Variants in ACOT12 observed in about 807,000 individuals in gnomAD.
The protein encoded by ACOT12 is acyl-CoA thioesterase 12.
A neutral mutation model predicts 67.7 loss-of-function variants in ACOT12; 51 were observed. That is an observed-to-expected ratio of 0.75 (90% CI 0.60 to 0.95). The LOEUF (loss-of-function observed/expected upper bound fraction) is 0.95. Among genes scored for constraint, ACOT12 ranks in the 40% least tolerant of loss-of-function variants. The probability of loss-of-function intolerance (pLI) is 0.00; values close to 1 mark genes in which losing one functional copy is unlikely to be tolerated. For synonymous variants in ACOT12, 251 were observed against 244.6 expected (o/e 1.03, Z -0.24); for missense variants, 734 against 708.1 (o/e 1.04, Z -0.41).
At chr5:81,320,049 C>A in the ACOT12 span, among the ~76,000 whole-genome samples, 9 of 152,134 alleles carry the variant, frequency 5.9e-5, no homozygotes, top group Admixed American at 2.0e-4. Flanking sequence ...GAGAAATGGA[C>A]ATAAATTTTG....
chr5:81,324,160 C>T, the ACOT12 span, among the ~76,000 whole-genome samples: 3 of 151,930 alleles, frequency 2.0e-5, no homozygotes, highest in Admixed American at 6.6e-5. Flanking sequence ...AGGATGGTCT[C>T]GAACTCTTGA....
At chr5:81,372,021 G>A (rs891735997) in intron 2 of ACOT12, among the ~76,000 whole-genome samples, 3 of 152,070 alleles carry the variant, frequency 2.0e-5, no homozygotes, top group Admixed American at 6.6e-5. Flanking sequence ...TGGTGTTAGC[G>A]GACCACCAAT....
chr5:81,374,576 G>T (rs1045763597), intron 2 of ACOT12, among the ~76,000 whole-genome samples: 3 of 152,062 alleles, frequency 2.0e-5, no homozygotes, highest in African/African-American at 7.2e-5. Context: ...CCCAATGAAA[G>T]GAAGCTAAGA....
In ACOT12 at chr5:81,359,937, A is replaced by T; in HGVS notation, c.462T>A (p.Phe154Leu). The change falls in exon 5 of 15, where the codon TTT (phenylalanine) becomes TTA (leucine). Residue 154 changes from phenylalanine (F) to leucine (L), a missense_variant. Transcript: ENST00000307624. ...RKVRLQHEDT[F>L]NNLMKESSKF... ...TGCTACTTTCCTTCATTAAATTGTT[A>T]AAGGTATCTTCATGTTGTAATCGAA... is the stretch of plus-strand genomic sequence containing the variant. 1 of 1,611,342 alleles carries T rather than the reference A, an allele frequency of 6.2e-7. No homozygotes were observed. The highest frequency in any genetic ancestry group is 8.5e-7 in the Non-Finnish European group (1 of 1,179,328).
rs1420038080 is a variant in ACOT12, at chr5:81,394,104, G to A, written c.11C>T (p.Pro4Leu). The change falls in exon 1 of 15, where the codon CCG (proline) becomes CTG (leucine). Residue 4 changes from proline to leucine, a missense_variant. Physicochemically the swap from Pro to Leu is moderately conservative, Grantham distance 98 (BLOSUM62 -3). Transcript: ENST00000307624. ...GCTCATGACCACCTCGCCGGGCGCCGGCCGCTCCATGGCCAGGGCGAGAGC... is the reference window on the plus strand; with the variant it reads ...GCTCATGACCACCTCGCCGGGCGCCAGCCGCTCCATGGCCAGGGCGAGAGC... The part of the protein sequence containing the change: MER[P>L]APGEVVMSQA... 4 of 1,452,828 alleles carry A rather than the reference G, an allele frequency of 2.8e-6. No individual in the cohort carries two copies. The highest frequency in any genetic ancestry group is 2.5e-5 in the Admixed American group (1 of 40,398). 90.0% of individuals were successfully genotyped at this position (1,452,828 alleles called of 1,614,324 possible).
intron 1 of ACOT12, among the ~76,000 whole-genome samples, chr5:81,387,137 C>G (rs1411305390): frequency 6.6e-6 from 1 of 151,796 alleles, no homozygotes; most frequent in East Asian, 1.9e-4. Flanking sequence ...TCCTGAGTAG[C>G]TGGGACTACA....
At chr5:81,332,879 A>C (rs1192149325) in intron 12 of ACOT12, among the ~76,000 whole-genome samples, 1 of 152,014 alleles carries the variant, frequency 6.6e-6, no homozygotes, top group Non-Finnish European at 1.5e-5. Flanking sequence ...ACCTGGGCAA[A>C]ATCTTGCAAA....
intron 4 of ACOT12, 60 bp downstream of exon 4, chr5:81,363,728 T>C (rs2153855064): frequency 2.4e-6 from 3 of 1,273,916 alleles, no homozygotes; most frequent in Admixed American, 2.1e-5. Context: ...AACATTCTGA[T>C]GCAATTGTTA....
At position 81,330,335 on chromosome 5, in the gene ACOT12, C is replaced by T; in HGVS notation, c.*59G>A. ...CCCCAAAGCTTGACAGATGTCAGGG[C>T]TAAGGGTGCTTGGAATTAAAAGTGG... On this transcript the variant is annotated 3_prime_UTR_variant, in exon 15 of 15. Coordinates refer to ENST00000307624, the MANE Select transcript of ACOT12 (RefSeq NM_130767.3). 2 of 1,571,490 alleles carry T rather than the reference C, an allele frequency of 1.3e-6. No homozygotes were observed. Among genetic ancestry groups the T allele is most frequent in the Non-Finnish European group, 1.7e-6 (2 of 1,153,728 alleles).
At chr5:81,375,134 G>A (rs1287599270) in intron 2 of ACOT12, among the ~76,000 whole-genome samples, 3 of 152,256 alleles carry the variant, frequency 2.0e-5, no homozygotes, top group African/African-American at 7.2e-5. Flanking sequence ...CAGACTAACA[G>A]CGGATCTCTC....
At position 81,394,057 on chromosome 5, in the gene ACOT12, C is replaced by T. The variant is rs756652221; in HGVS notation, c.58G>A (p.Ala20Thr). 1 of 1,474,338 alleles carries T rather than the reference C, an allele frequency of 6.8e-7. No individual in the cohort carries two copies. Among genetic ancestry groups the T allele is most frequent in the South Asian group, 1.3e-5 (1 of 76,550 alleles). The allele number at this position is 1,474,338 out of a possible 1,614,324, so 91.3% of individuals were successfully genotyped here. The change falls in exon 1 of 15, where the codon GCC becomes ACC. Residue 20 changes from alanine (A) to threonine (T), a missense_variant. Transcript: ENST00000307624. The stretch of plus-strand genomic sequence containing the variant: ...GCGCTCAGCTCGCCGCGCGCAGTGG[C>T]GTGCGCCGGCTGGATGGCTTGGCTC... Reference protein sequence around the residue: ...VMSQAIQPAHATARGELSAGQ... With the variant: ...VMSQAIQPAHTTARGELSAGQ...
intron 5 of ACOT12, among the ~76,000 whole-genome samples, chr5:81,357,333 C>T (rs140968514): frequency 2.4e-3 from 364 of 152,272 alleles, no homozygotes; most frequent in Non-Finnish European, 4.3e-3. Context: ...CTGCATTATT[C>T]ATCTTTATAC....
chr5:81,312,625 A>T, the ACOT12 span: 12 of 1,613,922 alleles, frequency 7.4e-6, no homozygotes, highest in Non-Finnish European at 1.0e-5. Context: ...AAACCGCAAA[A>T]ACCCAAAACA....
At chr5:81,373,166 C>A (rs144245003) in intron 2 of ACOT12, among the ~76,000 whole-genome samples, 1 of 152,234 alleles carries the variant, frequency 6.6e-6, no homozygotes, top group African/African-American at 2.4e-5. Context: ...ATGAGGTACC[C>A]AGTTCATCTC....
At chr5:81,354,212 T>C (rs1418576379) in intron 5 of ACOT12, among the ~76,000 whole-genome samples, 2 of 152,248 alleles carry the variant, frequency 1.3e-5, no homozygotes, top group Non-Finnish European at 2.9e-5. Context: ...GAAAAATCTA[T>C]AATTTGAAAT....
At chr5:81,342,611 A>G (rs1326124797) in intron 11 of ACOT12, 61 bp downstream of exon 11, 27 of 1,533,832 alleles carry the variant, frequency 1.8e-5, no homozygotes, top group Non-Finnish European at 2.3e-5. Flanking sequence ...TAGAACCACC[A>G]CCACCACAGC....
chr5:81,375,201 A>G (rs1760373871), intron 2 of ACOT12, among the ~76,000 whole-genome samples: 1 of 152,234 alleles, frequency 6.6e-6, no homozygotes, highest in African/African-American at 2.4e-5. Flanking sequence ...ATTCTTAAAG[A>G]AAAGAATTTT....
At chr5:81,309,861 C>G in the ACOT12 span, among the ~76,000 whole-genome samples, 1 of 152,070 alleles carries the variant, frequency 6.6e-6, no homozygotes, top group Non-Finnish European at 1.5e-5. Flanking sequence ...ATGTATCTTA[C>G]CGTTGGTGGG....
the ACOT12 span, chr5:81,309,092 A>G: frequency 7.5e-7 from 1 of 1,324,994 alleles, no homozygotes; most frequent in Non-Finnish European, 1.0e-6. Flanking sequence ...TGCAGTTGTG[A>G]TTTAATTTAC....
Sources: allele counts gnomAD v4.1 joint callset (sites outside exome capture counted in the v4.1 genomes callset), GRCh38; gene constraint gnomAD v4.1.1; transcripts MANE v1.5; gene names NCBI Gene and HGNC (gene_info 2026-07-23, HGNC 2026-07-21).